SLC25A32: variants seen among roughly 807,000 people sequenced by gnomAD.
The protein encoded by SLC25A32 is solute carrier family 25 member 32, also known as Glycine auxotroph B, complementation of hamster.
Under a neutral mutation model 39.0 loss-of-function variants are expected in SLC25A32, and 32 were observed. The observed-to-expected ratio is 0.82, with a 90% CI of 0.62 to 1.10. The LOEUF is 1.10. Among genes scored for constraint, SLC25A32 ranks in the 50% least tolerant of loss-of-function variants. The probability of loss-of-function intolerance (pLI) is 0.00; values close to 1 mark genes in which losing one functional copy is unlikely to be tolerated. For missense variants in SLC25A32, 367 were observed against 395.3 expected, an observed-to-expected ratio of 0.93 and a Z score of 0.61; for synonymous variants, 166 against 152.4, an observed-to-expected ratio of 1.09 and a Z score of -0.66.
chr8:103,409,890 A>C (rs1445133567), intron 1 of SLC25A32, among the ~76,000 whole-genome samples: 1 of 152,188 alleles, frequency 6.6e-6, no homozygotes, highest in Non-Finnish European at 1.5e-5. Flanking sequence ...CTCACTTATA[A>C]AATGGGGATA....
chr8:103,406,976 GA>G (rs1816347393), intron 2 of SLC25A32, among the ~76,000 whole-genome samples: 3 of 152,188 alleles, frequency 2.0e-5, no homozygotes. Flanking sequence ...GAATACCAAA[GA>G]GAGCTGAAAT....
At chr8:103,407,866 G>A in intron 1 of SLC25A32, 82 bp from the exon 2 acceptor site, 2 of 1,143,930 alleles carry the variant, frequency 1.7e-6, no homozygotes, top group Non-Finnish European at 2.4e-6. Flanking sequence ...TGTACAATTG[G>A]TTATATAAAG....
intron 6 of SLC25A32, 84 bp from the exon 7 acceptor site, chr8:103,400,630 A>G: frequency 7.3e-7 from 1 of 1,373,806 alleles, no homozygotes. Context: ...CAAGGCATGG[A>G]GCAAGCAGCA....
intron 2 of SLC25A32, among the ~76,000 whole-genome samples, chr8:103,406,638 T>C (rs760348523): frequency 1.3e-5 from 2 of 152,336 alleles, no homozygotes; most frequent in African/African-American, 4.8e-5. Context: ...GGGAAGATGA[T>C]GGGGCAGGTC....
At chr8:103,411,794 G>A (rs73287934) in intron 1 of SLC25A32, among the ~76,000 whole-genome samples, 3,130 of 152,198 alleles carry the variant, frequency 0.021, 109 homozygotes, top group African/African-American at 0.07. Context: ...CCCTACTAAG[G>A]GTTGTGGTTC....
At chr8:103,412,899 T>C (rs1405500982) in intron 1 of SLC25A32, among the ~76,000 whole-genome samples, 1 of 152,240 alleles carries the variant, frequency 6.6e-6, no homozygotes, top group African/African-American at 2.4e-5. Context: ...CATGGAAGCA[T>C]AAAAATTATA....
chr8:103,414,618 G>A lies in SLC25A32; in HGVS notation c.154+166C>T, dbSNP rs1458664028. On this transcript the variant is annotated intron_variant, in intron 1 of 6. Transcript: ENST00000297578. Reference sequence around the variant, plus strand: ...TGAGGAGCGGGGAAGATCGCAGGCCGACCCCTCCACCAAGCACCATTTCCT... The same window carrying A: ...TGAGGAGCGGGGAAGATCGCAGGCCAACCCCTCCACCAAGCACCATTTCCT... 1.1e-5 allele frequency: 10 copies of A among 943,212 alleles called. No individual in the cohort carries two copies. In the South Asian group the frequency reaches 1.4e-4, roughly 13 times the overall value. 58.4% of individuals were successfully genotyped at this position (943,212 alleles called of 1,614,324 possible).
At chr8:103,404,524 G>A (rs1816284614) in intron 3 of SLC25A32, among the ~76,000 whole-genome samples, 2 of 152,080 alleles carry the variant, frequency 1.3e-5, no homozygotes, top group South Asian at 4.2e-4. Context: ...GAAACCCGAA[G>A]GCAGAGGTTG....
In SLC25A32 at chr8:103,404,863, T is replaced by TAAAAG. The variant is rs769448476; in HGVS notation, c.306-7_306-3dup. ...TTATATGACTTGATGGCATTGTAAC[T>TAAAAG]AAAAGAATTAAATGTGAGCAGTTTA... On this transcript the variant is annotated splice_region_variant and splice_polypyrimidine_tract_variant and intron_variant, in intron 2 of 6. Coordinates refer to ENST00000297578, the MANE Select transcript of SLC25A32 (RefSeq NM_030780.5). 36 of 1,597,662 alleles carry TAAAAG rather than the reference T, an allele frequency of 2.3e-5. No individual in the cohort carries two copies. The African/African-American group carries it at 4.4e-4, about 20-fold the overall frequency.
At chr8:103,403,360 A>G (rs1334045523) in intron 3 of SLC25A32, 36 bp from the exon 4 acceptor site, 1 of 1,495,418 alleles carries the variant, frequency 6.7e-7, no homozygotes, top group Non-Finnish European at 9.1e-7. Context: ...TTCAGCATAC[A>G]GATACTTTCG....
Position 103,402,059 on chromosome 8 carries a change from A to G in SLC25A32, c.553-5T>C. 1 of 1,584,650 alleles carries G rather than the reference A, an allele frequency of 6.3e-7. No individual in the cohort carries two copies. The highest frequency in any genetic ancestry group is 8.6e-7 in the Non-Finnish European group (1 of 1,164,230). On this transcript the variant is annotated splice_polypyrimidine_tract_variant and splice_region_variant and intron_variant, in intron 4 of 6. Coordinates refer to ENST00000297578, the MANE Select transcript of SLC25A32 (RefSeq NM_030780.5). The stretch of plus-strand genomic sequence containing the variant: ...AAACAGCCCAGGAACAAATCCCTAC[A>G]AGGGAATGATTTTTAAAAAGCAAAA...
rs117102874 is a variant in SLC25A32, at chr8:103,406,498, T to C, written c.305+1136A>G. Among the ~76,000 whole-genome samples the C allele has an allele frequency of 4.6e-4, 70 of 152,382 alleles. No individual in the cohort carries two copies. The East Asian group carries it at 0.013, about 28-fold the overall frequency. On this transcript the variant is annotated intron_variant, in intron 2 of 6. Transcript: ENST00000297578. ...GCGATGATGGTTTGTGTCCATGTTC[T>C]TGTTCACTAAATAAGCTGAATGTGC...
intron 2 of SLC25A32, among the ~76,000 whole-genome samples, chr8:103,406,589 G>A (rs1816337907): frequency 6.6e-6 from 1 of 152,228 alleles, no homozygotes; most frequent in African/African-American, 2.4e-5. Flanking sequence ...AAATGGTGAT[G>A]ATATCTGACT....
chr8:103,404,468 G>GCAT (rs1816283279), intron 3 of SLC25A32, among the ~76,000 whole-genome samples: 1 of 151,998 alleles, frequency 6.6e-6, no homozygotes, highest in Non-Finnish European at 1.5e-5. Flanking sequence ...GGTGGCACGT[G>GCAT]TCTGTAGTCC....
intron 1 of SLC25A32, among the ~76,000 whole-genome samples, chr8:103,409,698 G>A (rs1347903517): frequency 6.6e-6 from 1 of 152,200 alleles, no homozygotes; most frequent in East Asian, 1.9e-4. Context: ...GCCTGGCAAA[G>A]AAGGATCACT....
At chr8:103,407,841 T>G (rs547006991) in intron 1 of SLC25A32, 57 bp from the exon 2 acceptor site, 354 of 1,469,910 alleles carry the variant, frequency 2.4e-4, no homozygotes, top group Middle Eastern at 2.3e-3. Flanking sequence ...CTGTATCACA[T>G]ATAAACACAG....
chr8:103,409,373 T>TTATAGATATCCC (rs1816411251), intron 1 of SLC25A32, among the ~76,000 whole-genome samples: 1 of 152,192 alleles, frequency 6.6e-6, no homozygotes, highest in Non-Finnish European at 1.5e-5. Flanking sequence ...CATATGACAT[T>TTATAGATATCCC]ATGGTTTTCC....
Position 103,399,139 on chromosome 8 carries a change from G to A in SLC25A32, c.*1272C>T, listed in dbSNP as rs1479059740. 6.6e-6 allele frequency: 1 copy of A among 152,104 alleles called. No individual in the cohort carries two copies. The highest frequency in any genetic ancestry group is 2.4e-5 in the African/African-American group (1 of 41,434). The allele number at this position is 152,104 out of a possible 1,614,324, so 9.4% of individuals were successfully genotyped here. A position where few individuals can be genotyped will look rare whatever the true frequency, so the allele number is the denominator to read the frequency against. ...TAAAATCAATAAAGGCTATTAATTT[G>A]TATTTCAACCTGAATTTGAGAAACC... On this transcript the variant is annotated 3_prime_UTR_variant, in exon 7 of 7. Coordinates refer to ENST00000297578, the MANE Select transcript of SLC25A32 (RefSeq NM_030780.5).
intron 1 of SLC25A32, among the ~76,000 whole-genome samples, chr8:103,411,250 C>T (rs192443653): frequency 3.7e-4 from 57 of 152,280 alleles, no homozygotes; most frequent in African/African-American, 1.3e-3. Context: ...TAGTTAGATA[C>T]GTTACTCTTT....
Sources: gnomAD v4.1 joint callset for allele counts (sites outside exome capture counted in the v4.1 genomes callset) on GRCh38, gnomAD v4.1.1 for gene constraint, MANE v1.5 for transcripts, NCBI Gene and HGNC (gene_info 2026-07-23, HGNC 2026-07-21) for gene names.